Variants in GALNT13 observed in about 807,000 individuals in gnomAD.
GALNT13 encodes the protein UDP-GalNAc:polypeptide N-acetylgalactosaminyltransferase 13.
A neutral mutation model predicts 64.2 loss-of-function variants in GALNT13; 28 were observed. The observed-to-expected ratio is 0.44, with a 90% CI of 0.32 to 0.60. The LOEUF is 0.60. Ranked by LOEUF, GALNT13 falls within the 20% of genes least tolerant of loss-of-function variation. The pLI, the probability that GALNT13 is intolerant of heterozygous loss-of-function variation, is 0.05. For missense variants in GALNT13, 577 were observed against 669.8 expected (o/e 0.86, Z 1.53); for synonymous variants, 214 against 224.6 (o/e 0.95, Z 0.42).
chr2:153,997,182 G>A (rs1695577807), intron 3 of GALNT13, among the ~76,000 whole-genome samples: 1 of 151,942 alleles, frequency 6.6e-6, no homozygotes, highest in Non-Finnish European at 1.5e-5. Flanking sequence ...ACAACTTTAG[G>A]ATTGCTTTTT....
chr2:153,368,824 C>T, the GALNT13 span, among the ~76,000 whole-genome samples: 1 of 151,768 alleles, frequency 6.6e-6, no homozygotes, highest in Non-Finnish European at 1.5e-5. Context: ...ACCAAATATA[C>T]CTAATGAATA....
At chr2:154,086,870 A>G (rs1466571920) in intron 3 of GALNT13, among the ~76,000 whole-genome samples, 1 of 152,192 alleles carries the variant, frequency 6.6e-6, no homozygotes, top group Non-Finnish European at 1.5e-5. Flanking sequence ...ATACCGTTAT[A>G]TAAAACTGTC....
the GALNT13 span, among the ~76,000 whole-genome samples, chr2:153,156,080 G>T: frequency 3.8e-4 from 58 of 152,218 alleles, no homozygotes; most frequent in Non-Finnish European, 3.4e-4. Context: ...TAATTTGATT[G>T]CTCTGTGGAC....
intron 3 of GALNT13, among the ~76,000 whole-genome samples, chr2:154,063,966 A>G (rs1237100771): frequency 1.3e-5 from 2 of 152,142 alleles, no homozygotes; most frequent in African/African-American, 4.8e-5. Context: ...CATGCCATTG[A>G]AAGAGGCACA....
intron 4 of GALNT13, among the ~76,000 whole-genome samples, chr2:154,141,343 A>AT (rs1321009837): frequency 6.6e-6 from 1 of 152,106 alleles, no homozygotes; most frequent in Non-Finnish European, 1.5e-5. Context: ...AAAGTCTTGA[A>AT]TTTTTTTCAC....
the GALNT13 span, among the ~76,000 whole-genome samples, chr2:153,258,578 G>A: frequency 1.1e-3 from 169 of 152,098 alleles, 1 homozygote; most frequent in African/African-American, 4.0e-3. Context: ...CTATTGTTTT[G>A]ATGTAGGTGC....
At chr2:153,854,609 G>A in the GALNT13 span, among the ~76,000 whole-genome samples, 6 of 151,924 alleles carry the variant, frequency 3.9e-5, no homozygotes, top group South Asian at 1.2e-3. Flanking sequence ...TTATCAGAAT[G>A]TAACAAAAAA....
At chr2:154,220,458 A>G (rs919012988) in intron 4 of GALNT13, among the ~76,000 whole-genome samples, 7 of 152,094 alleles carry the variant, frequency 4.6e-5, no homozygotes, top group Non-Finnish European at 7.4e-5. Flanking sequence ...TTCTAAAGTC[A>G]TGTTCTACTA....
intron 9 of GALNT13, among the ~76,000 whole-genome samples, chr2:154,308,627 A>G (rs2105120174): frequency 1.3e-5 from 2 of 152,286 alleles, no homozygotes; most frequent in South Asian, 4.1e-4. Flanking sequence ...AAAATAGTAT[A>G]GCACTTCTGA....
intron 8 of GALNT13, among the ~76,000 whole-genome samples, chr2:154,299,428 A>C (rs952813560): frequency 6.6e-6 from 1 of 151,160 alleles, no homozygotes; most frequent in Non-Finnish European, 1.5e-5. Flanking sequence ...AGCTAGGAAG[A>C]TGAGGAAGTT....
chr2:153,491,616 A>G, the GALNT13 span, among the ~76,000 whole-genome samples: 1 of 150,310 alleles, frequency 6.7e-6, no homozygotes, highest in Admixed American at 6.6e-5. Context: ...TTATTTATTT[A>G]TTTATTTATT....
intron 3 of GALNT13, among the ~76,000 whole-genome samples, chr2:153,996,461 G>T (rs1047067419): frequency 1.3e-5 from 2 of 151,874 alleles, no homozygotes; most frequent in African/African-American, 4.8e-5. Flanking sequence ...TATATCTACT[G>T]GTCATTTGCA....
At chr2:153,414,524 A>G in the GALNT13 span, among the ~76,000 whole-genome samples, 1,958 of 151,554 alleles carry the variant, frequency 0.013, 38 homozygotes, top group African/African-American at 0.044. Flanking sequence ...CTGCCACAAA[A>G]CTGAAAGGTG....
intron 3 of GALNT13, among the ~76,000 whole-genome samples, chr2:153,963,727 CTCTCTGTGTGTG>C (rs1384151165): frequency 0.019 from 1,855 of 96,502 alleles, 27 homozygotes; most frequent in South Asian, 0.12. Flanking sequence ...CTCTCTCTCT[CTCTCTGTGTGTG>C]TGTGTGTGTG....
At chr2:153,285,207 T>G in the GALNT13 span, among the ~76,000 whole-genome samples, 1 of 152,034 alleles carries the variant, frequency 6.6e-6, no homozygotes, top group African/African-American at 2.4e-5. Context: ...TGAGACTCAC[T>G]CATTATCATG....
the GALNT13 span, among the ~76,000 whole-genome samples, chr2:153,172,548 A>G: frequency 1.2e-3 from 182 of 152,164 alleles, 1 homozygote; most frequent in African/African-American, 4.3e-3. Context: ...GGCCCTGACC[A>G]AGGTGGAGGA....
At chr2:154,093,286 T>TAGA (rs1252321261) in intron 3 of GALNT13, among the ~76,000 whole-genome samples, 3 of 152,070 alleles carry the variant, frequency 2.0e-5, no homozygotes, top group African/African-American at 7.2e-5. Context: ...TATCTATAAC[T>TAGA]AGAATGCCAA....
At chr2:153,496,493 A>T in the GALNT13 span, among the ~76,000 whole-genome samples, 1 of 152,244 alleles carries the variant, frequency 6.6e-6, no homozygotes, top group African/African-American at 2.4e-5. Flanking sequence ...AATCAAACTA[A>T]AAAATATCCT....
At chr2:153,294,540 T>C in the GALNT13 span, among the ~76,000 whole-genome samples, 1 of 152,192 alleles carries the variant, frequency 6.6e-6, no homozygotes, top group Admixed American at 6.5e-5. Context: ...TCCAAGGGGT[T>C]GTGCACTGAC....
Sources: gnomAD v4.1 joint callset for allele counts (sites outside exome capture counted in the v4.1 genomes callset) on GRCh38, gnomAD v4.1.1 for gene constraint, MANE v1.5 for transcripts, NCBI Gene and HGNC (gene_info 2026-07-23, HGNC 2026-07-21) for gene names.